DLC1: variants seen among roughly 807,000 people sequenced by gnomAD.
DLC1 encodes the protein DLC1 Rho GTPase activating protein.
DLC1 carries 54 observed loss-of-function variants against 140.3 expected under a neutral mutation model. The observed-to-expected ratio is 0.38, with a 90% CI of 0.31 to 0.48. The LOEUF (loss-of-function observed/expected upper bound fraction) is 0.48. Among genes scored for constraint, DLC1 ranks in the 20% least tolerant of loss-of-function variants. DLC1 has a pLI of 0.96. For synonymous variants in DLC1, 986 were observed against 728.1 expected (o/e 1.35, Z -5.70); for missense variants, 2,536 against 1,907.0 (o/e 1.33, Z -6.14).
chr8:13,567,191 G>A (rs1426331057), intron 1 of DLC1: 6 of 1,551,704 alleles, frequency 3.9e-6, no homozygotes, highest in Non-Finnish European at 5.2e-6. Flanking sequence ...TTGGAACAAG[G>A]AGACACACAA....
chr8:13,092,438 G>A (rs928332997), intron 13 of DLC1, among the ~76,000 whole-genome samples, 174 bp downstream of exon 13: 2 of 152,118 alleles, frequency 1.3e-5, no homozygotes, highest in African/African-American at 2.4e-5. Context: ...TCTCATGCAC[G>A]CCAACAGACC....
intron 5 of DLC1, among the ~76,000 whole-genome samples, chr8:13,291,329 G>C (rs748368786): frequency 1.1e-4 from 17 of 152,210 alleles, no homozygotes; most frequent in Non-Finnish European, 2.5e-4. Context: ...AGAATTCAGT[G>C]AAATCATGTT....
chr8:13,189,775 G>A (rs138367141), intron 5 of DLC1, among the ~76,000 whole-genome samples: 2,834 of 152,118 alleles, frequency 0.019, 83 homozygotes, highest in African/African-American at 0.065. Flanking sequence ...CCAGCTACTC[G>A]GGAGGCTGAG....
intron 4 of DLC1, among the ~76,000 whole-genome samples, chr8:13,373,663 T>A (rs1835831317): frequency 6.6e-6 from 1 of 152,236 alleles, no homozygotes; most frequent in Non-Finnish European, 1.5e-5. Context: ...AAAGTACATC[T>A]ACTATATAAA....
intron 1 of DLC1, among the ~76,000 whole-genome samples, chr8:13,578,308 G>C (rs1330986792): frequency 6.6e-6 from 1 of 152,102 alleles, no homozygotes; most frequent in African/African-American, 2.4e-5. Flanking sequence ...TCACTTCACT[G>C]ACACCAATTC....
intron 5 of DLC1, among the ~76,000 whole-genome samples, chr8:13,167,196 T>A (rs921190000): frequency 2.6e-5 from 4 of 152,174 alleles, no homozygotes; most frequent in Admixed American, 2.0e-4. Flanking sequence ...AGAAAATGGT[T>A]ACAAAGGGAG....
intron 5 of DLC1, among the ~76,000 whole-genome samples, chr8:13,243,302 A>G (rs1486742517): frequency 6.6e-6 from 1 of 150,924 alleles, no homozygotes; most frequent in Admixed American, 6.6e-5. Flanking sequence ...AAAAAAAAAA[A>G]AAAAAAAAAA....
In DLC1 at chr8:13,100,516, C is replaced by A. The variant is rs3739298; in HGVS notation, c.1821G>T (p.Ala607=). The A allele has an allele frequency of 0.34, 551,926 of 1,611,792 alleles. 99,900 individuals are homozygous for A. Among genetic ancestry groups the A allele is most frequent in the East Asian group, 0.59 (26,552 of 44,816 alleles). Residue 607 remains alanine (A), a synonymous_variant, in exon 9 of 18, where the codon GCG becomes GCT. Coordinates refer to ENST00000276297, the MANE Select transcript of DLC1 (RefSeq NM_182643.3). ...GGGTGGCAGCATCCTCGCTGGGGGG[C>A]GCGTGGCTGGGGAGGCTGCCAGTGC... ...LSSTGSLPSH[A]PPSEDAATPR... is the part of the protein sequence containing the mutation.
intron 13 of DLC1, among the ~76,000 whole-genome samples, chr8:13,092,018 G>A (rs1339343265): frequency 6.6e-6 from 1 of 152,162 alleles, no homozygotes; most frequent in African/African-American, 2.4e-5. Flanking sequence ...AGGCTAAGCC[G>A]GGTGGATCAT....
chr8:13,135,922 T>G (rs2128967048), intron 5 of DLC1, among the ~76,000 whole-genome samples: 1 of 152,338 alleles, frequency 6.6e-6, no homozygotes, highest in Middle Eastern at 3.4e-3. Flanking sequence ...ATAATAATAC[T>G]AATAATAACT....
intron 1 of DLC1, among the ~76,000 whole-genome samples, chr8:13,569,493 C>G (rs1051694928): frequency 3.9e-5 from 6 of 152,098 alleles, no homozygotes; most frequent in Non-Finnish European, 7.4e-5. Flanking sequence ...TTTGACATCT[C>G]AATATATTCA....
intron 2 of DLC1, among the ~76,000 whole-genome samples, chr8:13,425,856 C>A (rs1838550824): frequency 6.6e-6 from 1 of 152,124 alleles, no homozygotes; most frequent in East Asian, 1.9e-4. Flanking sequence ...CTCACTGTAG[C>A]CTTGACCTCC....
At chr8:13,384,275 A>C (rs2117175309) in intron 4 of DLC1, among the ~76,000 whole-genome samples, 1 of 152,160 alleles carries the variant, frequency 6.6e-6, no homozygotes, top group African/African-American at 2.4e-5. Context: ...GTATAGAATA[A>C]GCTAGAAAGG....
chr8:13,360,187 C>T (rs1477808622), intron 4 of DLC1, among the ~76,000 whole-genome samples: 1 of 152,050 alleles, frequency 6.6e-6, no homozygotes, highest in Non-Finnish European at 1.5e-5. Context: ...TAATACCTGC[C>T]TGGTTGTACT....
chr8:13,133,158 C>G, intron 5 of DLC1: 1 of 1,443,046 alleles, frequency 6.9e-7, no homozygotes, highest in Non-Finnish European at 9.1e-7. Context: ...GCGGGGTTTT[C>G]TAAAGATCGA....
At chr8:13,163,786 G>A (rs1034408346) in intron 5 of DLC1, among the ~76,000 whole-genome samples, 1 of 151,920 alleles carries the variant, frequency 6.6e-6, no homozygotes, top group Non-Finnish European at 1.5e-5. Context: ...GGGCAACACA[G>A]TGAGACCTCT....
chr8:13,479,826 G>GAAAGAAAGAAAGA lies in DLC1; in HGVS notation c.1023+19222_1023+19223insTCTTTCTTTCTTT, dbSNP rs56249124. On this transcript the variant is annotated intron_variant, in intron 2 of 17. Coordinates refer to ENST00000276297, the MANE Select transcript of DLC1 (RefSeq NM_182643.3). ...AAAAGAAGAAGAAGAAGAAGAAGAA[G>GAAAGAAAGAAAGA]AAGAAGAAGAAGAAGAAGAAGAAGA... is the stretch of plus-strand genomic sequence containing the variant. Among the ~76,000 whole-genome samples, 37 of 37,484 alleles carry GAAAGAAAGAAAGA rather than the reference G, an allele frequency of 9.9e-4. 1 individual carries two copies. The East Asian group carries it at 0.032, about 32-fold the overall frequency. The allele number at this position is 37,484 out of a possible 152,430, so 24.6% of individuals were successfully genotyped here.
intron 1 of DLC1, among the ~76,000 whole-genome samples, chr8:13,509,719 G>T (rs1228130155): frequency 1.3e-5 from 2 of 152,052 alleles, no homozygotes; most frequent in African/African-American, 2.4e-5. Flanking sequence ...AAGAATTTTG[G>T]CAGGACTGAT....
At chr8:13,429,911 T>C (rs1421046048) in intron 2 of DLC1, among the ~76,000 whole-genome samples, 4 of 152,332 alleles carry the variant, frequency 2.6e-5, no homozygotes, top group East Asian at 1.9e-4. Flanking sequence ...GTTTTTGATA[T>C]CTTTAAGTTA....
Sources: allele counts gnomAD v4.1 joint callset (sites outside exome capture counted in the v4.1 genomes callset), GRCh38; gene constraint gnomAD v4.1.1; transcripts MANE v1.5; gene names NCBI Gene and HGNC (gene_info 2026-07-23, HGNC 2026-07-21).